Variants in SAMMSON observed in about 807,000 individuals in gnomAD.
SAMMSON encodes long intergenic non-protein coding RNA 1212.
chr3:70,264,325 C>T lies in SAMMSON; in HGVS notation n.674+14655C>T, dbSNP rs180846745. ...TTTGCCACAATGCAGGCCTTTATCA[C>T]GTTTACATATTTAGAAATCTGCTCT... On this transcript the variant is annotated intron_variant and non_coding_transcript_variant, in intron 6 of 9. Coordinates refer to ENST00000642114, the Ensembl canonical transcript of SAMMSON. Among the ~76,000 whole-genome samples the T allele has an allele frequency of 5.0e-3, 754 of 152,260 alleles. 7 individuals are homozygous for T. Among genetic ancestry groups the T allele is most frequent in the Non-Finnish European group, 4.9e-3 (332 of 68,030 alleles).
chr3:70,282,299 A>G (rs1043388673), intron 6 of SAMMSON, among the ~76,000 whole-genome samples: 8 of 152,142 alleles, frequency 5.3e-5, no homozygotes, highest in Non-Finnish European at 1.0e-4. Flanking sequence ...CACACCACTT[A>G]AGAAGATGTA....
chr3:70,135,939 TAA>T (rs1251365072), intron 4 of SAMMSON, among the ~76,000 whole-genome samples: 2 of 49,260 alleles, frequency 4.1e-5, no homozygotes, highest in Admixed American at 7.8e-4. Context: ...CTGTGTTCTC[TAA>T]GTGTTTTTTT....
chr3:70,412,827 A>G (rs1045539431), intron 2 of SAMMSON, among the ~76,000 whole-genome samples: 1 of 152,154 alleles, frequency 6.6e-6, no homozygotes, highest in Non-Finnish European at 1.5e-5. Context: ...AGATATTGCC[A>G]ACATTCTTGT....
At chr3:70,203,028 G>C (rs1701256962) in intron 4 of SAMMSON, among the ~76,000 whole-genome samples, 1 of 152,052 alleles carries the variant, frequency 6.6e-6, no homozygotes, top group East Asian at 1.9e-4. Context: ...GGAGGGATAA[G>C]AGCACCCACA....
intron 4 of SAMMSON, among the ~76,000 whole-genome samples, chr3:70,248,311 A>G (rs1701727805): frequency 6.6e-6 from 1 of 152,128 alleles, no homozygotes; most frequent in South Asian, 2.1e-4. Flanking sequence ...CACTGGAGAA[A>G]TAATGTTCCA....
intron 7 of SAMMSON, among the ~76,000 whole-genome samples, chr3:70,324,458 A>T (rs567272147): frequency 1.2e-3 from 79 of 66,828 alleles, no homozygotes; most frequent in Non-Finnish European, 1.9e-3. Flanking sequence ...GGTCAAATAT[A>T]TTTGAGAAAC....
At chr3:70,235,086 T>A (rs1170596350) in intron 4 of SAMMSON, among the ~76,000 whole-genome samples, 1 of 152,198 alleles carries the variant, frequency 6.6e-6, no homozygotes, top group Non-Finnish European at 1.5e-5. Flanking sequence ...CAGAATGTCC[T>A]TGTTCCTTTA....
chr3:70,234,060 A>C (rs1701586656), intron 4 of SAMMSON, among the ~76,000 whole-genome samples: 1 of 152,148 alleles, frequency 6.6e-6, no homozygotes, highest in Admixed American at 6.5e-5. Flanking sequence ...TTTTTGACAA[A>C]CTTTAATAAA....
chr3:70,015,931 T>C (rs920948314), intron 3 of SAMMSON, among the ~76,000 whole-genome samples: 4 of 152,188 alleles, frequency 2.6e-5, no homozygotes, highest in African/African-American at 9.7e-5. Flanking sequence ...CCATGGTGTA[T>C]ATGTGCCACA....
intron 6 of SAMMSON, among the ~76,000 whole-genome samples, chr3:70,267,185 C>G (rs1701923545): frequency 6.6e-6 from 1 of 152,076 alleles, no homozygotes; most frequent in South Asian, 2.1e-4. Flanking sequence ...GGATTTTATA[C>G]TTAATTCCCC....
intron 2 of SAMMSON, among the ~76,000 whole-genome samples, chr3:70,414,490 A>T (rs971685378): frequency 2.0e-5 from 3 of 152,276 alleles, no homozygotes; most frequent in African/African-American, 7.2e-5. Context: ...ACTTAGTAAG[A>T]CTGTCACTTA....
intron 4 of SAMMSON, among the ~76,000 whole-genome samples, chr3:70,170,490 G>A (rs971445067): frequency 6.7e-5 from 10 of 149,578 alleles, no homozygotes; most frequent in South Asian, 2.1e-4. Flanking sequence ...ACTTTATACC[G>A]CACAATTAAT....
chr3:70,158,562 C>T (rs965419315), intron 4 of SAMMSON, among the ~76,000 whole-genome samples: 1 of 150,050 alleles, frequency 6.7e-6, no homozygotes, highest in Admixed American at 6.7e-5. Flanking sequence ...TTAATGCAAA[C>T]AAGAAAAGTA....
chr3:70,415,647 G>A lies in SAMMSON; in HGVS notation n.234-46913G>A, dbSNP rs571025923. Among the ~76,000 whole-genome samples, 10 of 152,224 alleles carry A rather than the reference G, an allele frequency of 6.6e-5. No individual in the cohort carries two copies. The South Asian group carries it at 2.1e-3, about 32-fold the overall frequency. ...TGGTAATATGTTCTAACAATTGTCA[G>A]GTGAGGTCAATCTCCTAATCAAATT... On this transcript the variant is annotated intron_variant and non_coding_transcript_variant, in intron 2 of 3. Coordinates refer to the SAMMSON transcript ENST00000641053.
chr3:70,427,692 C>T (rs1161262602), intron 2 of SAMMSON, among the ~76,000 whole-genome samples: 2 of 149,910 alleles, frequency 1.3e-5, no homozygotes, highest in African/African-American at 4.9e-5. Flanking sequence ...GAGTCGAGAT[C>T]GCGCCACTGC....
At chr3:70,320,212 G>A (rs952248639) in intron 7 of SAMMSON, among the ~76,000 whole-genome samples, 10 of 152,022 alleles carry the variant, frequency 6.6e-5, no homozygotes, top group Non-Finnish European at 1.5e-4. Context: ...GCAATGCAAG[G>A]TTTTAGACAT....
intron 4 of SAMMSON, among the ~76,000 whole-genome samples, chr3:70,227,276 A>G (rs1335075452): frequency 2.0e-5 from 3 of 152,236 alleles, no homozygotes; most frequent in Non-Finnish European, 4.4e-5. Flanking sequence ...TAAACCTATT[A>G]TAGTCTCCTC....
intron 2 of SAMMSON, among the ~76,000 whole-genome samples, chr3:70,013,027 G>C (rs1394361532): frequency 6.6e-6 from 1 of 152,084 alleles, no homozygotes; most frequent in Non-Finnish European, 1.5e-5. Flanking sequence ...AAACATACTT[G>C]CTGTGTCATT....
intron 7 of SAMMSON, among the ~76,000 whole-genome samples, chr3:70,342,813 T>C (rs886708836): frequency 1.3e-5 from 2 of 152,200 alleles, no homozygotes; most frequent in Non-Finnish European, 2.9e-5. Flanking sequence ...CTAGGTCTCT[T>C]TCATCTTTGA....
Sources: allele counts gnomAD v4.1 joint callset (sites outside exome capture counted in the v4.1 genomes callset), GRCh38; gene constraint gnomAD v4.1.1; transcripts MANE v1.5; gene names NCBI Gene and HGNC (gene_info 2026-07-23, HGNC 2026-07-21).